ADCK1: variants seen among roughly 807,000 people sequenced by gnomAD.
ADCK1 encodes the protein aarF domain-containing protein kinase 1.
A neutral mutation model predicts 52.3 loss-of-function variants in ADCK1; 41 were observed. The ratio of observed to expected loss-of-function variants is 0.78; its 90% CI spans 0.61 to 1.02. The LOEUF (loss-of-function observed/expected upper bound fraction) is 1.02, where lower values mean the gene tolerates loss of function less well. Ranked by LOEUF, ADCK1 falls within the 50% of genes least tolerant of loss-of-function variation. The probability of loss-of-function intolerance (pLI) is 0.00; values close to 1 mark genes in which losing one functional copy is unlikely to be tolerated. For missense variants in ADCK1, 658 were observed against 679.5 expected (o/e 0.97, Z 0.35); for synonymous variants, 250 against 274.6 (o/e 0.91, Z 0.89).
rs1199881588 is a variant in ADCK1 at position 77,859,155 on chromosome 14, T to C, written c.299T>C (p.Leu100Pro). Residue 100 changes from leucine to proline, a missense_variant, in exon 4 of 11, where the codon CTG becomes CCG. Physicochemically the swap from Leu to Pro is moderately conservative, Grantham distance 98. Transcript: ENST00000238561. Reference sequence around the variant, plus strand: ...ACCTTCATCAAGGTGGGCCAGCACCTGGGGGCTCTGGACTACCTGTTGCCA... The same window carrying C: ...ACCTTCATCAAGGTGGGCCAGCACCCGGGGGCTCTGGACTACCTGTTGCCA... ...RGTFIKVGQH[L>P]GALDYLLPEE... is the part of the protein sequence containing the mutation. 1 of 1,613,866 alleles carries C rather than the reference T, an allele frequency of 6.2e-7. No homozygotes were observed. The highest frequency in any genetic ancestry group is 1.1e-5 in the South Asian group (1 of 91,054).
intron 5 of ADCK1, among the ~76,000 whole-genome samples, chr14:77,889,581 C>G (rs1041389888): frequency 3.3e-5 from 5 of 152,338 alleles, no homozygotes; most frequent in African/African-American, 1.2e-4. Flanking sequence ...CTTGCCCCCC[C>G]AGTATGCCAG....
At chr14:77,883,566 G>A (rs1158876559) in intron 4 of ADCK1, among the ~76,000 whole-genome samples, 1 of 152,032 alleles carries the variant, frequency 6.6e-6, no homozygotes, top group East Asian at 1.9e-4. Flanking sequence ...TTTTTTATAA[G>A]CCAGCTAGGA....
Position 77,931,588 on chromosome 14 carries a change from G to A in ADCK1, c.1277G>A (p.Arg426His), listed in dbSNP as rs112630340. 223 of 1,613,752 alleles carry A rather than the reference G, an allele frequency of 1.4e-4. No individual in the cohort carries two copies. Among genetic ancestry groups the A allele is most frequent in the Non-Finnish European group, 1.8e-4 (212 of 1,180,038 alleles). The change falls in exon 10 of 11, where the codon CGC (arginine) becomes CAC (histidine). Residue 426 changes from arginine (R) to histidine (H), a missense_variant. Physicochemically the swap from Arg to His is conservative, Grantham distance 29. Transcript: ENST00000238561. Reference protein sequence around the residue: ...QISHLLNHVPRQMLLILKTND... With the variant: ...QISHLLNHVPHQMLLILKTND... ...AGCCATCTCCTCAACCACGTGCCGC[G>A]CCAGATGCTGCTCATCTTGAAGACC...
chr14:77,823,458 T>G, intron 3 of ADCK1, among the ~76,000 whole-genome samples: 1 of 152,192 alleles, frequency 6.6e-6, no homozygotes, highest in Non-Finnish European at 1.5e-5. Flanking sequence ...ATTTCAACCA[T>G]CCACAAGAGT....
At chr14:77,832,900 C>G (rs2081887465) in intron 3 of ADCK1, among the ~76,000 whole-genome samples, 2 of 152,216 alleles carry the variant, frequency 1.3e-5, no homozygotes, top group South Asian at 4.1e-4. Context: ...GGGATCTGGT[C>G]TGGCCAAACC....
intron 9 of ADCK1, among the ~76,000 whole-genome samples, chr14:77,927,756 G>A (rs2084230112): frequency 6.6e-6 from 1 of 152,222 alleles, no homozygotes; most frequent in South Asian, 2.1e-4. Context: ...GCACACTCAA[G>A]CCAAGGGGAA....
At chr14:77,890,253 C>T (rs1367852682) in intron 5 of ADCK1, among the ~76,000 whole-genome samples, 1 of 152,144 alleles carries the variant, frequency 6.6e-6, no homozygotes, top group African/African-American at 2.4e-5. Context: ...TGGCTCATTT[C>T]CTGGCTGGCA....
At chr14:77,811,798 A>G (rs183679771) in intron 1 of ADCK1, among the ~76,000 whole-genome samples, 1 of 152,160 alleles carries the variant, frequency 6.6e-6, no homozygotes, top group Non-Finnish European at 1.5e-5. Flanking sequence ...GGCAGAGTAA[A>G]CCCCTGTCTC....
intron 7 of ADCK1, among the ~76,000 whole-genome samples, chr14:77,915,959 A>G (rs1231835015): frequency 6.6e-6 from 1 of 152,236 alleles, no homozygotes; most frequent in Non-Finnish European, 1.5e-5. Flanking sequence ...TGCCAGGCCC[A>G]GCATATGTCC....
rs182372238 is a variant in ADCK1, at chr14:77,835,285, A to G, written c.219+12767A>G. Among the ~76,000 whole-genome samples, 173 of 152,368 alleles carry G rather than the reference A, an allele frequency of 1.1e-3. 1 individual carries two copies. Among genetic ancestry groups the G allele is most frequent in the Non-Finnish European group, 1.2e-3 (85 of 68,038 alleles). Reference sequence around the variant, plus strand: ...TAAGACAAAGTGTAAAAAATAATTCAGTGATCACCCTCATGATCATTGCCC... The same window carrying G: ...TAAGACAAAGTGTAAAAAATAATTCGGTGATCACCCTCATGATCATTGCCC... On this transcript the variant is annotated intron_variant, in intron 3 of 10. Transcript: ENST00000238561.
chr14:77,924,311 C>G, intron 7 of ADCK1, 146 bp from the exon 8 acceptor site: 1 of 1,004,304 alleles, frequency 1.0e-6, no homozygotes, highest in Non-Finnish European at 1.4e-6. Context: ...TATGTCATCT[C>G]AAACAATCAC....
chr14:77,863,611 T>A (rs2082598686), intron 4 of ADCK1, among the ~76,000 whole-genome samples: 5 of 152,016 alleles, frequency 3.3e-5, no homozygotes, highest in African/African-American at 1.2e-4. Flanking sequence ...CTGAGGTGGG[T>A]GGATCACTTG....
intron 7 of ADCK1, among the ~76,000 whole-genome samples, chr14:77,918,151 G>C (rs1263757225): frequency 6.6e-6 from 1 of 152,180 alleles, no homozygotes; most frequent in Non-Finnish European, 1.5e-5. Context: ...AACTTCAGTA[G>C]GGATGGCACC....
At chr14:77,805,252 CTTTTTTTTTT>C (rs777184096) in intron 1 of ADCK1, among the ~76,000 whole-genome samples, 3 of 62,310 alleles carry the variant, frequency 4.8e-5, no homozygotes, top group African/African-American at 1.7e-4. Context: ...GCTTTGCATT[CTTTTTTTTTT>C]TTTTTTTTTT....
In ADCK1 at chr14:77,907,911, G is replaced by T; in HGVS notation, c.850G>T (p.Val284Phe). ...CTACATGGAGAGGAACAAGATCGAC[G>T]TCAATGAGGTGAGGTCAAGAGCTCA... The part of the protein sequence containing the change: ...RDYMERNKID[V>F]NEISRHLGKM... Residue 284 changes from valine to phenylalanine, a missense_variant, in exon 7 of 11, where the codon GTC becomes TTC. Transcript: ENST00000238561. The T allele has an allele frequency of 6.2e-7, 1 of 1,613,666 alleles. No homozygotes were observed. Among genetic ancestry groups the T allele is most frequent in the Non-Finnish European group, 8.5e-7 (1 of 1,179,690 alleles).
intron 4 of ADCK1, among the ~76,000 whole-genome samples, chr14:77,871,834 T>G (rs2140167437): frequency 6.6e-6 from 1 of 152,292 alleles, no homozygotes; most frequent in South Asian, 2.1e-4. Context: ...GAGTAAGTAC[T>G]GTTTTTATTA....
intron 1 of ADCK1, among the ~76,000 whole-genome samples, chr14:77,808,037 C>T (rs985717938): frequency 2.6e-5 from 4 of 152,180 alleles, no homozygotes; most frequent in Non-Finnish European, 5.9e-5. Context: ...CACAACAAAA[C>T]ATACGAAATA....
chr14:77,870,623 G>T (rs1285348208), intron 4 of ADCK1, among the ~76,000 whole-genome samples: 4 of 152,184 alleles, frequency 2.6e-5, no homozygotes, highest in Non-Finnish European at 5.9e-5. Flanking sequence ...CTAAGCTGGG[G>T]CAGGTGCCAT....
chr14:77,876,431 G>A (rs1320315242), intron 4 of ADCK1, among the ~76,000 whole-genome samples: 1 of 152,146 alleles, frequency 6.6e-6, no homozygotes, highest in Non-Finnish European at 1.5e-5. Flanking sequence ...GATAATCCAC[G>A]TTCATCTTTC....
Sources: allele counts gnomAD v4.1 joint callset (sites outside exome capture counted in the v4.1 genomes callset), GRCh38; gene constraint gnomAD v4.1.1; transcripts MANE v1.5; gene names NCBI Gene and HGNC (gene_info 2026-07-23, HGNC 2026-07-21).